The following EML4 variants were observed in gnomAD, a reference collection of about 807,000 sequenced individuals.
The protein encoded by EML4 is EMAP like 4.
A neutral mutation model predicts 129.0 loss-of-function variants in EML4; 72 were observed. That is an observed-to-expected ratio of 0.56 (90% CI 0.46 to 0.68). The LOEUF (loss-of-function observed/expected upper bound fraction) is 0.68. Among genes scored for constraint, EML4 ranks in the 30% least tolerant of loss-of-function variants. The pLI is 0.00. For missense variants in EML4, 1,363 were observed against 1,190.6 expected (o/e 1.14, Z -2.13); for synonymous variants, 532 against 405.0 (o/e 1.31, Z -3.77).
Position 42,271,413 on chromosome 2 carries a change from T to G in EML4, c.667+6682T>G, listed in dbSNP as rs548983811. 1.3e-4 allele frequency among the ~76,000 whole-genome samples: 12 copies of G among 92,246 alleles called. No individual in the cohort carries two copies. In the South Asian group the frequency reaches 3.2e-3, roughly 24 times the overall value. 60.5% of individuals were successfully genotyped at this position (92,246 alleles called of 152,430 possible). On this transcript the variant is annotated intron_variant, in intron 6 of 22. Transcript: ENST00000318522. ...AAGGGGACCTTTCCTCTGTTGGAGA[T>G]TTTTTTTTAAGCCCTATAAAGCAAA...
intron 1 of EML4, among the ~76,000 whole-genome samples, chr2:42,175,651 A>G (rs1280321222): frequency 1.3e-5 from 2 of 152,022 alleles, no homozygotes; most frequent in Non-Finnish European, 2.9e-5. Flanking sequence ...GGTGTGCACC[A>G]CCGCACCCAG....
intron 17 of EML4, among the ~76,000 whole-genome samples, chr2:42,309,677 G>A (rs1668821510): frequency 6.6e-6 from 1 of 151,962 alleles, no homozygotes; most frequent in South Asian, 2.1e-4. Flanking sequence ...AGTACTTATT[G>A]GCCACTTGTA....
chr2:42,196,022 C>G (rs1671876590), intron 1 of EML4, among the ~76,000 whole-genome samples: 1 of 152,024 alleles, frequency 6.6e-6, no homozygotes, highest in South Asian at 2.1e-4. Context: ...ATTGACCAGA[C>G]TTAGATATAG....
intron 1 of EML4, among the ~76,000 whole-genome samples, chr2:42,180,173 TG>T (rs1185448030): frequency 6.6e-6 from 1 of 152,226 alleles, no homozygotes; most frequent in Non-Finnish European, 1.5e-5. Context: ...GGAACTATCC[TG>T]TCTTCCAGAA....
chr2:42,186,734 A>G (rs549778663), intron 1 of EML4, among the ~76,000 whole-genome samples: 1 of 152,288 alleles, frequency 6.6e-6, no homozygotes, highest in East Asian at 1.9e-4. Flanking sequence ...AGAGCATTTC[A>G]TATCTTGGTT....
intron 1 of EML4, among the ~76,000 whole-genome samples, chr2:42,232,075 A>T (rs377529106): frequency 6.6e-6 from 1 of 152,098 alleles, no homozygotes; most frequent in Non-Finnish European, 1.5e-5. Context: ...GATGAATAGG[A>T]GTTTTGAAAA....
intron 7 of EML4, 21 bp from the exon 8 acceptor site, chr2:42,282,802 C>G (rs769267620): frequency 3.7e-6 from 6 of 1,604,220 alleles, no homozygotes; most frequent in Non-Finnish European, 4.3e-6. Flanking sequence ...TATTTAAAAC[C>G]TTGACTCTTT....
At chr2:42,230,455 A>G (rs1347385035) in intron 1 of EML4, among the ~76,000 whole-genome samples, 3 of 152,216 alleles carry the variant, frequency 2.0e-5, no homozygotes, top group South Asian at 4.2e-4. Context: ...TGCACAGGCT[A>G]GAGTACAGTG....
At chr2:42,177,928 G>T (rs1432785947) in intron 1 of EML4, among the ~76,000 whole-genome samples, 2 of 152,158 alleles carry the variant, frequency 1.3e-5, no homozygotes, top group African/African-American at 2.4e-5. Context: ...TTAGATTTCA[G>T]TGTAAAATTT....
rs190244301 is a variant in EML4, at chr2:42,185,971, C to G, written c.25+16335C>G. Reference sequence around the variant, plus strand: ...ACAAGACTCTGTTATGAATCAGGCACTTTATGCATATGAGTTTAAGTGTTC... The same window carrying G: ...ACAAGACTCTGTTATGAATCAGGCAGTTTATGCATATGAGTTTAAGTGTTC... On this transcript the variant is annotated intron_variant, in intron 1 of 22. Coordinates refer to ENST00000318522, the MANE Select transcript of EML4 (RefSeq NM_019063.5). 3.0e-3 allele frequency among the ~76,000 whole-genome samples: 462 copies of G among 152,090 alleles called. 2 individuals carry two copies. Among genetic ancestry groups the G allele is most frequent in the African/African-American group, 0.011 (444 of 41,506 alleles).
In EML4 at chr2:42,169,409, GCT is replaced by G. The variant is rs1670111325; in HGVS notation, c.-199_-198del. On this transcript the variant is annotated 5_prime_UTR_variant, in exon 1 of 23. Transcript: ENST00000318522. Reference sequence around the variant, plus strand: ...GCCGGGCAGGCGGCTGAGCGGCGCGGCTCTCAACGTGACGGGGAAGTGGTTCG... The same window carrying G: ...GCCGGGCAGGCGGCTGAGCGGCGCGGCTCAACGTGACGGGGAAGTGGTTCG... The G allele has an allele frequency of 2.2e-6, 1 of 453,126 alleles. No homozygotes were observed. The allele number at this position is 453,126 out of a possible 1,614,324, so 28.1% of individuals were successfully genotyped here.
chr2:42,192,444 T>C (rs1183356420), intron 1 of EML4, among the ~76,000 whole-genome samples: 2 of 152,070 alleles, frequency 1.3e-5, no homozygotes, highest in African/African-American at 4.8e-5. Flanking sequence ...TTCACCACGT[T>C]GGCCGGACTG....
rs35948547 is a variant in EML4 at position 42,272,077 on chromosome 2, C to CA, written c.667+7365dup. On this transcript the variant is annotated intron_variant, in intron 6 of 22. Transcript: ENST00000318522. ...GAGATCGCACCACTGCACTCCATCT[C>CA]AAAAAAAAAAAAAAAAAAACCCTGT... Among the ~76,000 whole-genome samples, 528 of 100,832 alleles carry CA rather than the reference C, an allele frequency of 5.2e-3. 3 individuals carry two copies. The highest frequency in any genetic ancestry group is 0.019 in the Middle Eastern group (4 of 210). The allele number at this position is 100,832 out of a possible 152,430, so 66.1% of individuals were successfully genotyped here. A position where few individuals can be genotyped will look rare whatever the true frequency, so the allele number is the denominator to read the frequency against.
chr2:42,202,231 T>C (rs999820362), intron 1 of EML4, among the ~76,000 whole-genome samples: 1 of 152,162 alleles, frequency 6.6e-6, no homozygotes, highest in Non-Finnish European at 1.5e-5. Flanking sequence ...CACAGTATGA[T>C]GTCTGTAGTT....
chr2:42,325,602 T>TTATTTATATATATATATATATA, intron 20 of EML4, 48 bp downstream of exon 20: 1 of 124,298 alleles, frequency 8.0e-6, no homozygotes, highest in South Asian at 2.0e-4. Context: ...ATGATTATAT[T>TTATTTATATATATATATATATA]TATATATATA....
chr2:42,211,510 T>C (rs1225335176), intron 1 of EML4, among the ~76,000 whole-genome samples: 1 of 152,224 alleles, frequency 6.6e-6, no homozygotes, highest in Non-Finnish European at 1.5e-5. Context: ...TCGGAAATTG[T>C]CTGAACCTGT....
At chr2:42,178,075 A>T (rs891009569) in intron 1 of EML4, among the ~76,000 whole-genome samples, 1 of 152,224 alleles carries the variant, frequency 6.6e-6, no homozygotes, top group Non-Finnish European at 1.5e-5. Flanking sequence ...GTCTTTGACA[A>T]GTTTTTAGAA....
intron 2 of EML4, among the ~76,000 whole-genome samples, chr2:42,255,327 C>T (rs766157664): frequency 4.6e-5 from 7 of 152,056 alleles, no homozygotes; most frequent in South Asian, 2.1e-4. Context: ...CCTCGTGATC[C>T]GCCCACCTCA....
chr2:42,211,608 A>G (rs1371803145), intron 1 of EML4, among the ~76,000 whole-genome samples: 2 of 152,344 alleles, frequency 1.3e-5, no homozygotes, highest in African/African-American at 4.8e-5. Flanking sequence ...TTAAACCTGC[A>G]GATAAAATGT....
Sources: gnomAD v4.1 joint callset for allele counts (sites outside exome capture counted in the v4.1 genomes callset) on GRCh38, gnomAD v4.1.1 for gene constraint, MANE v1.5 for transcripts, NCBI Gene and HGNC (gene_info 2026-07-23, HGNC 2026-07-21) for gene names.